Variants in VAV3 observed in about 807,000 individuals in gnomAD.
VAV3 encodes the protein guanine nucleotide exchange factor VAV3.
Under a neutral mutation model 131.2 loss-of-function variants are expected in VAV3, and 94 were observed. The ratio of observed to expected loss-of-function variants is 0.72; its 90% CI spans 0.61 to 0.85. The LOEUF is 0.85. Ranked by LOEUF, VAV3 falls within the 40% of genes least tolerant of loss-of-function variation. The pLI is 0.00. For synonymous variants in VAV3, 349 were observed against 342.0 expected (o/e 1.02, Z -0.22); for missense variants, 939 against 1,002.7 (o/e 0.94, Z 0.86).
chr1:107,602,278 G>T, intron 24 of VAV3, 119 bp downstream of exon 24: 1 of 620,352 alleles, frequency 1.6e-6, no homozygotes, highest in Non-Finnish European at 2.6e-6. Flanking sequence ...ATTAGAATAT[G>T]ATTATCTTTA....
intron 19 of VAV3, among the ~76,000 whole-genome samples, chr1:107,649,005 G>A (rs567842135): frequency 1.3e-5 from 2 of 151,944 alleles, no homozygotes; most frequent in South Asian, 2.1e-4. Flanking sequence ...ATTCCAGGAG[G>A]AAGGTAATAA....
chr1:107,710,149 C>A (rs1021145378), intron 15 of VAV3, among the ~76,000 whole-genome samples: 1 of 152,104 alleles, frequency 6.6e-6, no homozygotes, highest in East Asian at 1.9e-4. Flanking sequence ...CAAATCCTAG[C>A]AAGATGAAAT....
chr1:107,884,749 C>T (rs1176414709), intron 1 of VAV3, among the ~76,000 whole-genome samples: 1 of 149,226 alleles, frequency 6.7e-6, no homozygotes, highest in Non-Finnish European at 1.5e-5. Context: ...ATGCCTGGCC[C>T]AAAAAAAAAT....
At chr1:107,582,941 C>G (rs539593473) in intron 25 of VAV3, among the ~76,000 whole-genome samples, 1 of 152,120 alleles carries the variant, frequency 6.6e-6, no homozygotes, top group East Asian at 1.9e-4. Context: ...AATGGGATGG[C>G]TGGGTCAAAT....
intron 2 of VAV3, among the ~76,000 whole-genome samples, chr1:107,829,328 T>C (rs1385687000): frequency 6.6e-6 from 1 of 152,198 alleles, no homozygotes; most frequent in East Asian, 1.9e-4. Context: ...CCCTGATTTA[T>C]ATAGCTTTTA....
At chr1:107,693,415 C>G (rs756447874) in intron 17 of VAV3, among the ~76,000 whole-genome samples, 4 of 152,192 alleles carry the variant, frequency 2.6e-5, no homozygotes, top group Non-Finnish European at 5.9e-5. Flanking sequence ...AGTTAATAAT[C>G]TGTCATAATC....
chr1:107,679,091 T>C (rs934793855), intron 19 of VAV3, among the ~76,000 whole-genome samples: 1 of 152,156 alleles, frequency 6.6e-6, no homozygotes, highest in Non-Finnish European at 1.5e-5. Flanking sequence ...AAATTGGTAA[T>C]GAAAGAAAGA....
At chr1:107,849,318 A>G (rs1187727797) in intron 2 of VAV3, among the ~76,000 whole-genome samples, 1 of 152,154 alleles carries the variant, frequency 6.6e-6, no homozygotes, top group Non-Finnish European at 1.5e-5. Context: ...ACACTACCTG[A>G]CTTCAAACTA....
At chr1:107,929,543 A>G in intron 1 of VAV3, among the ~76,000 whole-genome samples, 1 of 152,282 alleles carries the variant, frequency 6.6e-6, no homozygotes, top group Middle Eastern at 3.4e-3. Flanking sequence ...ATATTATATA[A>G]CATTGTAACT....
chr1:107,575,018 C>T (rs200243331), intron 25 of VAV3, among the ~76,000 whole-genome samples: 891 of 16,610 alleles, frequency 0.054, 8 homozygotes, highest in Middle Eastern at 0.095. Flanking sequence ...CGCGCGCGCA[C>T]ACGCGCGCGT....
At chr1:107,878,142 C>T (rs1261457729) in intron 1 of VAV3, among the ~76,000 whole-genome samples, 1 of 152,072 alleles carries the variant, frequency 6.6e-6, no homozygotes, top group Non-Finnish European at 1.5e-5. Context: ...TGCACCTATA[C>T]CCTTTATATA....
chr1:107,644,005 C>T (rs1278898440), intron 19 of VAV3, among the ~76,000 whole-genome samples: 1 of 152,046 alleles, frequency 6.6e-6, no homozygotes, highest in Non-Finnish European at 1.5e-5. Flanking sequence ...GCCGCAGAAC[C>T]CCCAGAGGGA....
chr1:107,861,207 G>T (rs962421669), intron 2 of VAV3, among the ~76,000 whole-genome samples: 1 of 151,582 alleles, frequency 6.6e-6, no homozygotes. Flanking sequence ...CTTTCTACAC[G>T]TCTATGTATT....
Position 107,734,306 on chromosome 1 carries a change from C to T in VAV3, c.1502+14662G>A, listed in dbSNP as rs1452210482. Among the ~76,000 whole-genome samples the T allele has an allele frequency of 2.0e-5, 3 of 152,148 alleles. 1 individual carries two copies. The highest frequency in any genetic ancestry group is 1.9e-4 in the East Asian group (1 of 5,196). On this transcript the variant is annotated intron_variant, in intron 15 of 26. Coordinates refer to ENST00000370056, the MANE Select transcript of VAV3 (RefSeq NM_006113.5). ...GCTAGGAAGACACTCCACCAACTAA[C>T]GGGCAAAATAACCAGCTAACCTCAT... is the stretch of plus-strand genomic sequence containing the variant.
chr1:107,766,486 T>C lies in VAV3; in HGVS notation c.782A>G (p.Asp261Gly), dbSNP rs767562603. ...AATAAAAACTTGGTACAAGTTCTGG[T>C]CATTTTTATTTACAATGGAATCATG... ...EIHDSIVNKNDQNLYQVFINY... is the reference protein window; with the variant it reads ...EIHDSIVNKNGQNLYQVFINY... Residue 261 changes from aspartate (D) to glycine (G), a missense_variant, in exon 8 of 27, where the codon GAC (aspartate) becomes GGC (glycine). Transcript: ENST00000370056. 6.2e-7 allele frequency: 1 copy of C among 1,613,578 alleles called. No individual in the cohort carries two copies.
intron 1 of VAV3, among the ~76,000 whole-genome samples, chr1:107,888,615 C>T (rs776774485): frequency 2.0e-5 from 3 of 152,090 alleles, no homozygotes; most frequent in Admixed American, 6.5e-5. Context: ...CCCGCCAACA[C>T]GCCTGGCTAA....
intron 2 of VAV3, among the ~76,000 whole-genome samples, chr1:107,789,378 A>G (rs1260474164): frequency 6.6e-6 from 1 of 152,232 alleles, no homozygotes; most frequent in African/African-American, 2.4e-5. Context: ...CGTGGGGAAC[A>G]TGCCATGGAT....
intron 4 of VAV3, 32 bp downstream of exon 4, chr1:107,777,199 T>C: frequency 6.3e-7 from 1 of 1,595,922 alleles, no homozygotes; most frequent in Non-Finnish European, 8.6e-7. Context: ...AAATTGGCAG[T>C]GGCTAAATTT....
At chr1:107,848,121 G>A (rs545771590) in intron 2 of VAV3, among the ~76,000 whole-genome samples, 5 of 152,146 alleles carry the variant, frequency 3.3e-5, no homozygotes, top group African/African-American at 9.6e-5. Context: ...AGACCATCCT[G>A]GCTAACACGG....
Sources: gnomAD v4.1 joint callset for allele counts (sites outside exome capture counted in the v4.1 genomes callset) on GRCh38, gnomAD v4.1.1 for gene constraint, MANE v1.5 for transcripts, NCBI Gene and HGNC (gene_info 2026-07-23, HGNC 2026-07-21) for gene names.